The following PRELID2 variants were observed in gnomAD, a reference collection of about 807,000 sequenced individuals.
PRELID2 encodes PRELI domain containing 2.
Under a neutral mutation model 28.4 loss-of-function variants are expected in PRELID2, and 25 were observed. The ratio of observed to expected loss-of-function variants is 0.88; its 90% confidence interval spans 0.64 to 1.23. The LOEUF (loss-of-function observed/expected upper bound fraction) is 1.23, where lower values mean the gene tolerates loss of function less well. Ranked by LOEUF, PRELID2 falls within the 50% of genes most tolerant of loss-of-function variation. PRELID2 has a pLI of 0.00. For synonymous variants in PRELID2, 76 were observed against 71.6 expected (o/e 1.06, Z -0.31); for missense variants, 201 against 214.4 (o/e 0.94, Z 0.39).
the PRELID2 span, among the ~76,000 whole-genome samples, chr5:145,239,069 G>A: frequency 6.6e-6 from 1 of 151,886 alleles, no homozygotes; most frequent in Non-Finnish European, 1.5e-5. Flanking sequence ...TTTTTTCTGG[G>A]ACTATGTGCA....
intron 1 of PRELID2, among the ~76,000 whole-genome samples, chr5:145,667,192 G>C (rs968784407): frequency 4.6e-5 from 7 of 152,206 alleles, no homozygotes; most frequent in Admixed American, 1.3e-4. Context: ...ATTAGCCTTT[G>C]AGTGGGTTAT....
At chr5:145,705,393 G>A (rs944088378) in intron 1 of PRELID2, among the ~76,000 whole-genome samples, 6 of 151,948 alleles carry the variant, frequency 3.9e-5, no homozygotes, top group African/African-American at 4.8e-5. Flanking sequence ...TAGTAGAGAC[G>A]GGGTTTGACC....
the PRELID2 span, among the ~76,000 whole-genome samples, chr5:145,404,216 A>C: frequency 6.6e-6 from 1 of 152,280 alleles, no homozygotes; most frequent in African/African-American, 2.4e-5. Context: ...AACAGTGAAA[A>C]TGTATGATAT....
the PRELID2 span, among the ~76,000 whole-genome samples, chr5:145,415,654 C>T: frequency 6.6e-6 from 1 of 150,702 alleles, no homozygotes; most frequent in Admixed American, 6.6e-5. Flanking sequence ...TGTATATGTG[C>T]CACATTTTCT....
the PRELID2 span, among the ~76,000 whole-genome samples, chr5:145,458,229 TA>T: frequency 6.6e-6 from 1 of 152,212 alleles, no homozygotes; most frequent in African/African-American, 2.4e-5. Flanking sequence ...GGATACTCCT[TA>T]AACTTTTATT....
At chr5:145,719,496 C>CGA (rs143655188) in intron 1 of PRELID2, among the ~76,000 whole-genome samples, 2,020 of 144,822 alleles carry the variant, frequency 0.014, 16 homozygotes, top group Middle Eastern at 0.021. Context: ...TTTCCCATTA[C>CGA]GAGAGAGAGA....
chr5:145,429,005 T>C, the PRELID2 span, among the ~76,000 whole-genome samples: 1 of 152,098 alleles, frequency 6.6e-6, no homozygotes, highest in South Asian at 2.1e-4. Context: ...ATGTGGGGCC[T>C]TGGAAGCCTT....
At chr5:145,383,126 C>T in the PRELID2 span, among the ~76,000 whole-genome samples, 15 of 150,672 alleles carry the variant, frequency 1.0e-4, no homozygotes, top group South Asian at 4.2e-4. Flanking sequence ...AAAATTTACA[C>T]TGATTCTAAA....
At chr5:145,403,292 C>T in the PRELID2 span, among the ~76,000 whole-genome samples, 2 of 152,166 alleles carry the variant, frequency 1.3e-5, no homozygotes, top group Non-Finnish European at 2.9e-5. Flanking sequence ...AACCCCAGCA[C>T]TTTGGGAGAC....
chr5:145,599,060 C>A (rs1314940920), intron 1 of PRELID2, among the ~76,000 whole-genome samples: 4 of 152,114 alleles, frequency 2.6e-5, no homozygotes, highest in African/African-American at 9.7e-5. Context: ...TAATCATGGA[C>A]CCCAATAGTT....
chr5:145,247,016 C>T, the PRELID2 span, among the ~76,000 whole-genome samples: 24 of 152,274 alleles, frequency 1.6e-4, no homozygotes, highest in African/African-American at 5.3e-4. Context: ...GAGTCTGAAC[C>T]TCCCAAATTG....
chr5:145,339,440 C>T, the PRELID2 span, among the ~76,000 whole-genome samples: 3 of 152,274 alleles, frequency 2.0e-5, no homozygotes, highest in African/African-American at 7.2e-5. Flanking sequence ...CCTTGACCCA[C>T]ACAAGCCTCA....
the PRELID2 span, among the ~76,000 whole-genome samples, chr5:145,379,109 C>A: frequency 1.3e-5 from 2 of 152,172 alleles, no homozygotes; most frequent in Non-Finnish European, 2.9e-5. Flanking sequence ...GCCCCCAACT[C>A]CTAGACTATA....
chr5:145,308,480 C>T, the PRELID2 span, among the ~76,000 whole-genome samples: 1 of 152,168 alleles, frequency 6.6e-6, no homozygotes, highest in African/African-American at 2.4e-5. Context: ...TCTGACTATA[C>T]TGCAGAGTAC....
At chr5:145,384,816 C>T in the PRELID2 span, among the ~76,000 whole-genome samples, 1 of 152,122 alleles carries the variant, frequency 6.6e-6, no homozygotes, top group African/African-American at 2.4e-5. Flanking sequence ...AAACAGCAGG[C>T]TCTCACGAGA....
At chr5:145,809,576 T>C (rs928814627) in intron 4 of PRELID2, among the ~76,000 whole-genome samples, 1 of 152,192 alleles carries the variant, frequency 6.6e-6, no homozygotes, top group African/African-American at 2.4e-5. Flanking sequence ...CATGAGCCAC[T>C]GTGCCCAGCC....
intron 1 of PRELID2, among the ~76,000 whole-genome samples, chr5:145,648,879 A>G (rs140035405): frequency 4.2e-4 from 64 of 151,596 alleles, no homozygotes; most frequent in African/African-American, 1.4e-3. Context: ...TGTCTTTTAT[A>G]CAGATAGTCC....
chr5:145,443,719 C>T, the PRELID2 span, among the ~76,000 whole-genome samples: 5 of 152,072 alleles, frequency 3.3e-5, no homozygotes, highest in East Asian at 5.8e-4. Context: ...TCAAAAATGC[C>T]GTCAGCACAA....
At chr5:145,582,218 C>T (rs1327128161) in intron 1 of PRELID2, among the ~76,000 whole-genome samples, 1 of 151,940 alleles carries the variant, frequency 6.6e-6, no homozygotes, top group Non-Finnish European at 1.5e-5. Flanking sequence ...TATAAAGAAC[C>T]AGCTGAGACT....
Sources: allele counts gnomAD v4.1 joint callset (sites outside exome capture counted in the v4.1 genomes callset), GRCh38; gene constraint gnomAD v4.1.1; transcripts MANE v1.5; gene names NCBI Gene and HGNC (gene_info 2026-07-23, HGNC 2026-07-21).